The following HIVEP3 variants were observed in gnomAD, a reference collection of about 807,000 sequenced individuals.
HIVEP3 encodes the protein HIVEP zinc finger 3.
In HIVEP3, 49 loss-of-function variants were observed where a neutral mutation model predicts 152.8. That is an observed-to-expected ratio of 0.32 (90% CI 0.26 to 0.41). The LOEUF is 0.41. Ranked by LOEUF, HIVEP3 falls within the 10% of genes least tolerant of loss-of-function variation. The pLI, the probability that HIVEP3 is intolerant of heterozygous loss-of-function variation, is 1.00. For missense variants in HIVEP3, 2,790 were observed against 3,103.3 expected (o/e 0.90, Z 2.40); for synonymous variants, 1,269 against 1,289.0 (o/e 0.98, Z 0.33).
At chr1:41,579,607 T>G in intron 4 of HIVEP3, 130 bp downstream of exon 4, 1 of 1,074,176 alleles carries the variant, frequency 9.3e-7, no homozygotes, top group Non-Finnish European at 1.3e-6. Context: ...AGTCTCAGCT[T>G]TCAGAGAGGA....
chr1:41,985,584 TCTTA>T (rs1645317738), intron 1 of HIVEP3, among the ~76,000 whole-genome samples: 1 of 152,184 alleles, frequency 6.6e-6, no homozygotes, highest in African/African-American at 2.4e-5. Context: ...TTCCCAAAGG[TCTTA>T]CTTCCTAATA....
At chr1:41,845,404 TACACACACACACACGCACAC>T (rs970276065) in intron 1 of HIVEP3, among the ~76,000 whole-genome samples, 4 of 119,298 alleles carry the variant, frequency 3.4e-5, no homozygotes, top group Non-Finnish European at 6.7e-5. Context: ...ACACCTCCTA[TACACACACACACACGCACAC>T]ACACACACAC....
chr1:41,890,440 A>T (rs1178463136), intron 1 of HIVEP3, among the ~76,000 whole-genome samples: 1 of 152,242 alleles, frequency 6.6e-6, no homozygotes. Flanking sequence ...CTGAAGAGCC[A>T]CAGTACAGGC....
intron 2 of HIVEP3, among the ~76,000 whole-genome samples, chr1:41,639,060 G>T (rs11210505): frequency 6.6e-6 from 1 of 152,036 alleles, no homozygotes; most frequent in Non-Finnish European, 1.5e-5. Flanking sequence ...CACTCTGAAC[G>T]GAACGTCTGC....
chr1:41,869,521 G>A (rs1644040621), intron 1 of HIVEP3: 2 of 152,252 alleles, frequency 1.3e-5, no homozygotes, highest in African/African-American at 4.8e-5. Flanking sequence ...GAAGCCATAC[G>A]TGAGACACCA....
intron 7 of HIVEP3, among the ~76,000 whole-genome samples, chr1:41,516,310 G>T (rs890194971): frequency 2.0e-5 from 3 of 152,198 alleles, no homozygotes; most frequent in Non-Finnish European, 4.4e-5. Context: ...CATGGGCAGG[G>T]CCGGGGCGCC....
chr1:41,936,697 G>A (rs1645021860), intron 1 of HIVEP3, among the ~76,000 whole-genome samples: 1 of 152,132 alleles, frequency 6.6e-6, no homozygotes, highest in Non-Finnish European at 1.5e-5. Context: ...CTTTTATTGG[G>A]GTTCAAGGTA....
At chr1:41,549,821 G>A (rs1428186503) in intron 5 of HIVEP3, among the ~76,000 whole-genome samples, 1 of 152,116 alleles carries the variant, frequency 6.6e-6, no homozygotes, top group Non-Finnish European at 1.5e-5. Context: ...CAATTTTGTA[G>A]GTTGCCTGTT....
Position 41,581,493 on chromosome 1 carries a change from T to C in HIVEP3, c.3305A>G (p.Lys1102Arg). The C allele has an allele frequency of 6.4e-7, 1 of 1,574,476 alleles. No individual in the cohort carries two copies. Among genetic ancestry groups the C allele is most frequent in the African/African-American group, 1.4e-5 (1 of 73,902 alleles). The change falls in exon 4 of 9, where the codon AAG becomes AGG. Residue 1102 changes from lysine (K) to arginine (R), a missense_variant. Lys to Arg is a conservative substitution (Grantham distance 26, BLOSUM62 2). Transcript: ENST00000372583. This position sits in a 1 kb window ranked among gnomAD's most constrained non-coding sequence, Gnocchi z 4.5. The stretch of plus-strand genomic sequence containing the variant: ...TGGGGGCCTGTCCTGCCCTGGGCCC[T>C]TGCCTCCCGGGGGTCCACCATGTGA... ...ATSHGGPPGGKGPGQDRPPLG... is the reference protein window; with the variant it reads ...ATSHGGPPGGRGPGQDRPPLG...
chr1:41,706,845 A>C (rs1284645741), intron 1 of HIVEP3, among the ~76,000 whole-genome samples: 1 of 152,206 alleles, frequency 6.6e-6, no homozygotes, highest in Non-Finnish European at 1.5e-5. Flanking sequence ...CATAGACAGC[A>C]AGTCCTGGTT....
intron 1 of HIVEP3, among the ~76,000 whole-genome samples, chr1:41,891,722 G>A (rs113203602): frequency 2.0e-5 from 3 of 152,302 alleles, no homozygotes; most frequent in East Asian, 1.9e-4. Flanking sequence ...ACATCCATTC[G>A]GGCTGGTTTA....
chr1:41,774,239 G>C (rs759833206), intron 1 of HIVEP3, among the ~76,000 whole-genome samples: 1 of 152,214 alleles, frequency 6.6e-6, no homozygotes, highest in Non-Finnish European at 1.5e-5. Flanking sequence ...GAAGGCATAC[G>C]GGGCCTTCAG....
intron 1 of HIVEP3, among the ~76,000 whole-genome samples, chr1:41,997,299 G>C (rs766525389): frequency 7.9e-5 from 12 of 152,152 alleles, no homozygotes; most frequent in Non-Finnish European, 1.2e-4. Flanking sequence ...ATGTGGCCTT[G>C]GTTTGAAACT....
intron 5 of HIVEP3, among the ~76,000 whole-genome samples, chr1:41,526,223 C>A (rs1306841249): frequency 1.3e-5 from 2 of 151,850 alleles, no homozygotes; most frequent in South Asian, 2.1e-4. Flanking sequence ...ACCACCACCA[C>A]CACACCCCCA....
chr1:41,573,392 G>C, intron 5 of HIVEP3, among the ~76,000 whole-genome samples: 1 of 152,168 alleles, frequency 6.6e-6, no homozygotes, highest in East Asian at 1.9e-4. Context: ...CCAGCCCCAA[G>C]AGAACCATGA....
chr1:42,011,971 C>G (rs184271062), intron 1 of HIVEP3, among the ~76,000 whole-genome samples: 8 of 152,272 alleles, frequency 5.3e-5, no homozygotes, highest in Admixed American at 1.3e-4. Context: ...TGGGAAACAA[C>G]AAGAATGGGA....
At chr1:41,807,246 T>A (rs1650685425) in intron 1 of HIVEP3, among the ~76,000 whole-genome samples, 1 of 152,124 alleles carries the variant, frequency 6.6e-6, no homozygotes, top group Admixed American at 6.6e-5. Flanking sequence ...CCCCATGGTG[T>A]TAGCCAGGGC....
At chr1:41,544,831 TCA>T (rs1643657057) in intron 5 of HIVEP3, among the ~76,000 whole-genome samples, 2 of 10,164 alleles carry the variant, frequency 2.0e-4, no homozygotes, top group African/African-American at 8.4e-4. Flanking sequence ...ACCACCACCA[TCA>T]CCACCACCAC....
At chr1:42,019,413 T>C (rs1474651161) in intron 1 of HIVEP3, among the ~76,000 whole-genome samples, 1 of 152,086 alleles carries the variant, frequency 6.6e-6, no homozygotes, top group Non-Finnish European at 1.5e-5. Context: ...CTTCAATTTC[T>C]CTCAGTATGT....
Sources: gnomAD v4.1 joint callset for allele counts (sites outside exome capture counted in the v4.1 genomes callset) on GRCh38, gnomAD v4.1.1 for gene constraint, Gnocchi (gnomAD v3.1) non-coding constraint, MANE v1.5 for transcripts, NCBI Gene and HGNC (gene_info 2026-07-23, HGNC 2026-07-21) for gene names.